Variants in HEATR6 observed in about 807,000 individuals in gnomAD.
The protein encoded by HEATR6 is HEAT repeat-containing protein 6.
A neutral mutation model predicts 132.8 loss-of-function variants in HEATR6; 106 were observed. The observed-to-expected ratio is 0.80, with a 90% CI of 0.68 to 0.94. HEATR6 has a LOEUF of 0.94. HEATR6 is among the 40% of genes least tolerant of loss of function. The pLI, the probability that HEATR6 is intolerant of heterozygous loss-of-function variation, is 0.00. For synonymous variants in HEATR6, 529 were observed against 537.8 expected (o/e 0.98, Z 0.23); for missense variants, 1,339 against 1,425.1 (o/e 0.94, Z 0.97).
chr17:60,055,170 G>A (rs1385093255), intron 14 of HEATR6, among the ~76,000 whole-genome samples: 1 of 152,098 alleles, frequency 6.6e-6, no homozygotes, highest in Non-Finnish European at 1.5e-5. Flanking sequence ...GCTTCCTGGG[G>A]CTTCCTCAGA....
At position 60,055,574 on chromosome 17, in the gene HEATR6, T is replaced by C. The variant is rs770766189; in HGVS notation, c.2230A>G (p.Ile744Val). 8.1e-6 allele frequency: 13 copies of C among 1,612,774 alleles called. No homozygotes were observed. In the Admixed American group the frequency reaches 2.2e-4, roughly 27 times the overall value. ...KLLEELGTGL[I>V]QQYKPDSTAA... Reference sequence around the variant, plus strand: ...GTGGAGTCTGGTTTATACTGCTGTATTAAGCCTGTGCCCAGTTCTTCCAGA... The same window carrying C: ...GTGGAGTCTGGTTTATACTGCTGTACTAAGCCTGTGCCCAGTTCTTCCAGA... Residue 744 changes from isoleucine to valine, a missense_variant, in exon 14 of 20, where the codon ATA (isoleucine) becomes GTA (valine). Ile to Val is a conservative substitution (Grantham distance 29, BLOSUM62 3). Transcript: ENST00000184956.
In HEATR6 at chr17:60,049,613, C is replaced by T. The variant is rs950966073; in HGVS notation, c.2514G>A (p.Leu838=). 1 of 1,613,798 alleles carries T rather than the reference C, an allele frequency of 6.2e-7. No homozygotes were observed. The highest frequency in any genetic ancestry group is 1.3e-5 in the African/African-American group (1 of 74,926). Residue 838 remains leucine, a synonymous_variant, in exon 16 of 20, where the codon CTG becomes CTA. Coordinates refer to ENST00000184956, the MANE Select transcript of HEATR6 (RefSeq NM_022070.5). Reference sequence around the variant, plus strand: ...GACAGGGAAAAAGCACATAGACTCCCAGGGCCCGTGAAGTTGCAGCTTTCA... The same window carrying T: ...GACAGGGAAAAAGCACATAGACTCCTAGGGCCCGTGAAGTTGCAGCTTTCA... ...RLVKAATSRA[L]GVYVLFPCLR... is the part of the protein sequence containing the mutation.
Position 60,043,904 on chromosome 17 carries a change from G to T in HEATR6, c.3205C>A (p.Arg1069=). ...ATCAGTGCCTGGCAGATTTGGGTCC[G>T]TAGGCTGACACAGTACTTGAATTCC... The part of the protein sequence containing the change: ...FLEFKYCVSL[R]TQICQALIHL... The change falls in exon 20 of 20, where the codon CGG becomes AGG. Residue 1069 remains arginine (R), a synonymous_variant. Coordinates refer to ENST00000184956, the MANE Select transcript of HEATR6 (RefSeq NM_022070.5). The T allele has an allele frequency of 6.2e-7, 1 of 1,614,078 alleles. No individual in the cohort carries two copies. Among genetic ancestry groups the T allele is most frequent in the Non-Finnish European group, 8.5e-7 (1 of 1,179,992 alleles).
At chr17:60,077,235 C>T (rs1442993212) in intron 1 of HEATR6, among the ~76,000 whole-genome samples, 2 of 152,118 alleles carry the variant, frequency 1.3e-5, no homozygotes, top group Non-Finnish European at 2.9e-5. Context: ...GACTGTAAAG[C>T]AGAATCTGGA....
At chr17:60,060,688 A>T (rs1240838270) in intron 9 of HEATR6, among the ~76,000 whole-genome samples, 1 of 152,188 alleles carries the variant, frequency 6.6e-6, no homozygotes, top group Non-Finnish European at 1.5e-5. Context: ...TTCCACTCTG[A>T]AGTATGTGTG....
At chr17:60,052,866 C>T (rs866069605) in intron 14 of HEATR6, among the ~76,000 whole-genome samples, 13 of 152,178 alleles carry the variant, frequency 8.5e-5, no homozygotes, top group South Asian at 4.2e-4. Context: ...GGCGGGGACA[C>T]GGGTAACGGA....
chr17:60,059,340 A>G, intron 11 of HEATR6, 82 bp downstream of exon 11: 2 of 758,430 alleles, frequency 2.6e-6, no homozygotes, highest in South Asian at 3.7e-5. Flanking sequence ...GAATATATAC[A>G]TATATCTATA....
intron 6 of HEATR6, 27 bp downstream of exon 6, chr17:60,070,677 GAC>G: frequency 7.8e-7 from 1 of 1,280,894 alleles, no homozygotes. Context: ...AAACAGGAAA[GAC>G]AATGATCATA....
chr17:60,043,298 C>T lies in HEATR6; in HGVS notation c.*265G>A, dbSNP rs116863705. ...TCTGAGACTAAATGCCCTCAAAGCCCGTCTGCTTGGCCTGTATTACAACCT... is the reference window on the plus strand; with the variant it reads ...TCTGAGACTAAATGCCCTCAAAGCCTGTCTGCTTGGCCTGTATTACAACCT... On this transcript the variant is annotated 3_prime_UTR_variant, in exon 20 of 20. Transcript: ENST00000184956. 94 of 420,644 alleles carry T rather than the reference C, an allele frequency of 2.2e-4. No individual in the cohort carries two copies. Among genetic ancestry groups the T allele is most frequent in the Non-Finnish European group, 3.5e-4 (82 of 236,284 alleles). 26.1% of individuals were successfully genotyped at this position (420,644 alleles called of 1,614,324 possible).
chr17:60,041,081 G>A lies in HEATR6; in HGVS notation c.*2482C>T, dbSNP rs1192412104. Among the ~76,000 whole-genome samples the A allele has an allele frequency of 3.3e-5, 5 of 152,172 alleles. No individual in the cohort carries two copies. Among genetic ancestry groups the A allele is most frequent in the Non-Finnish European group, 4.4e-5 (3 of 68,040 alleles). The stretch of plus-strand genomic sequence containing the variant: ...TTCCTTTCCCCACAGCAGCTTTATG[G>A]AGGCACGTGCCCAGGCATATGAGGA... On this transcript the variant is annotated 3_prime_UTR_variant, in exon 20 of 20. Coordinates refer to ENST00000184956, the MANE Select transcript of HEATR6 (RefSeq NM_022070.5).
rs377099611 is a variant in HEATR6, at chr17:60,078,823, C to G, written c.92G>C (p.Arg31Pro). 1.2e-6 allele frequency: 2 copies of G among 1,605,346 alleles called. No individual in the cohort carries two copies. Among genetic ancestry groups the G allele is most frequent in the African/African-American group, 2.7e-5 (2 of 74,582 alleles). The change falls in exon 1 of 20, where the codon CGC becomes CCC. Residue 31 changes from arginine to proline, a missense_variant. Physicochemically the swap from Arg to Pro is moderately radical, Grantham distance 103. Transcript: ENST00000184956. ...GGCGCAGAGCCTGGCAGACAAGAGG[C>G]GAAACCCATTGCCTCGCTCAGGGAT... The part of the protein sequence containing the change: ...EAIPERGNGF[R>P]LLSARLCALR...
In HEATR6 at chr17:60,067,370, T is replaced by C; in HGVS notation, c.1238+64A>G. 4 of 1,189,968 alleles carry C rather than the reference T, an allele frequency of 3.4e-6. No individual in the cohort carries two copies. In the East Asian group the frequency reaches 1.0e-4, roughly 31 times the overall value. 73.7% of individuals were successfully genotyped at this position (1,189,968 alleles called of 1,614,324 possible). On this transcript the variant is annotated intron_variant, in intron 8 of 19. Coordinates refer to ENST00000184956, the MANE Select transcript of HEATR6 (RefSeq NM_022070.5). Reference sequence around the variant, plus strand: ...AGTTAAATCACATGCAGCATTCAGGTTAAGTTATAAACTTACATGCAACTT... The same window carrying C: ...AGTTAAATCACATGCAGCATTCAGGCTAAGTTATAAACTTACATGCAACTT...
At position 60,070,676 on chromosome 17, in the gene HEATR6, A is replaced by G. The variant is rs747873409; in HGVS notation, c.801+30T>C. 3.9e-6 allele frequency: 5 copies of G among 1,272,720 alleles called. No individual in the cohort carries two copies. In the Admixed American group the frequency reaches 6.7e-5, roughly 17 times the overall value. 78.8% of individuals were successfully genotyped at this position (1,272,720 alleles called of 1,614,324 possible). A position where few individuals can be genotyped will look rare whatever the true frequency, so the allele number is the denominator to read the frequency against. Reference sequence around the variant, plus strand: ...CTTGTACCATGGGTTGAAACAGGAAAGACAATGATCATATGAAGACTTGCC... The same window carrying G: ...CTTGTACCATGGGTTGAAACAGGAAGGACAATGATCATATGAAGACTTGCC... On this transcript the variant is annotated intron_variant, in intron 6 of 19. Coordinates refer to ENST00000184956, the MANE Select transcript of HEATR6 (RefSeq NM_022070.5).
At position 60,046,175 on chromosome 17, in the gene HEATR6, AG is replaced by A; in HGVS notation, c.2823del (p.Ser942LeufsTer3). On this transcript the variant is annotated frameshift_variant, in exon 19 of 20. Transcript: ENST00000184956. LOFTEE classifies it high-confidence loss of function. ...GCAAATGTGGGTTTTTCTATATGAG[AG>A]GGTTGCAGAAAATGAAGCAAATTTC... is the stretch of plus-strand genomic sequence containing the variant. ...ALGNLLHFLQ[P>X]SHIEKPTFAE... The A allele has an allele frequency of 1.2e-6, 2 of 1,614,004 alleles. No homozygotes were observed. The highest frequency in any genetic ancestry group is 2.2e-5 in the East Asian group (1 of 44,880).
At chr17:60,075,477 C>T (rs889142900) in intron 2 of HEATR6, 6 of 152,148 alleles carry the variant, frequency 3.9e-5, no homozygotes, top group African/African-American at 1.2e-4. Context: ...TTCACATACT[C>T]ATGTGGTAAC....
At chr17:60,073,038 A>C in intron 4 of HEATR6, 126 bp downstream of exon 4, 2 of 584,522 alleles carry the variant, frequency 3.4e-6, no homozygotes, top group East Asian at 2.7e-5. Flanking sequence ...AGTAAAGTAC[A>C]TGGGAAATGC....
chr17:60,073,626 C>T (rs1207720679), intron 3 of HEATR6, 120 bp downstream of exon 3: 2 of 928,064 alleles, frequency 2.2e-6, no homozygotes, highest in African/African-American at 1.7e-5. Flanking sequence ...GAAACAAGGC[C>T]CAGAGTGGTT....
At position 60,041,913 on chromosome 17, in the gene HEATR6, A is replaced by T. The variant is rs765124220; in HGVS notation, c.*1650T>A. On this transcript the variant is annotated 3_prime_UTR_variant, in exon 20 of 20. Transcript: ENST00000184956. ...TCCCACATCAAAGATAAGTATGGACAACTGTAATTGGTTCTTATATATCCC... is the reference window on the plus strand; with the variant it reads ...TCCCACATCAAAGATAAGTATGGACTACTGTAATTGGTTCTTATATATCCC... Among the ~76,000 whole-genome samples the T allele has an allele frequency of 1.3e-4, 20 of 152,230 alleles. No homozygotes were observed. The highest frequency in any genetic ancestry group is 2.6e-4 in the Non-Finnish European group (18 of 68,042).
chr17:60,055,694 A>C, intron 13 of HEATR6, 93 bp from the exon 14 acceptor site: 1 of 768,354 alleles, frequency 1.3e-6, no homozygotes, highest in Non-Finnish European at 2.1e-6. Flanking sequence ...CCTTCACTCT[A>C]GTAACACCTC....
Sources: gnomAD v4.1 joint callset for allele counts (sites outside exome capture counted in the v4.1 genomes callset) on GRCh38, gnomAD v4.1.1 for gene constraint, MANE v1.5 for transcripts, NCBI Gene and HGNC (gene_info 2026-07-23, HGNC 2026-07-21) for gene names.